The following MEIKIN variants were observed in gnomAD, a reference collection of about 807,000 sequenced individuals.
MEIKIN encodes the protein meiotic kinetochore factor.
chr5:131,879,112 G>A, intron 8 of MEIKIN, 64 bp from the exon 9 acceptor site: 1 of 397,004 alleles, frequency 2.5e-6, no homozygotes, highest in Non-Finnish European at 4.4e-6. Context: ...TGAGTCCAAA[G>A]GACAAGAGAA....
intron 5 of MEIKIN, among the ~76,000 whole-genome samples, chr5:131,923,500 T>C (rs72793248): frequency 6.6e-6 from 1 of 151,874 alleles, no homozygotes; most frequent in Non-Finnish European, 1.5e-5. Context: ...TTTTAATCTT[T>C]TTTTTTCTTT....
chr5:131,936,714 C>A (rs1476754530), intron 4 of MEIKIN, among the ~76,000 whole-genome samples: 2 of 152,254 alleles, frequency 1.3e-5, no homozygotes, highest in East Asian at 3.9e-4. Flanking sequence ...CCCACCTCAG[C>A]CTCCTGAGTA....
intron 10 of MEIKIN, among the ~76,000 whole-genome samples, chr5:131,851,602 T>C (rs1354378886): frequency 6.6e-6 from 1 of 152,144 alleles, no homozygotes; most frequent in Non-Finnish European, 1.5e-5. Context: ...GTAAAATGGG[T>C]TATAACATTC....
intron 12 of MEIKIN, among the ~76,000 whole-genome samples, chr5:131,813,181 G>A (rs1773027962): frequency 6.6e-6 from 1 of 152,208 alleles, no homozygotes; most frequent in Non-Finnish European, 1.5e-5. Context: ...CTGCTCTGAA[G>A]ATGACATGAG....
At chr5:131,898,910 G>A (rs948838125) in intron 8 of MEIKIN, among the ~76,000 whole-genome samples, 4 of 152,116 alleles carry the variant, frequency 2.6e-5, no homozygotes, top group Admixed American at 1.3e-4. Context: ...GCCCTCCTTC[G>A]GCTTGCCTTC....
At chr5:131,923,194 T>C (rs576049866) in intron 5 of MEIKIN, among the ~76,000 whole-genome samples, 6 of 152,192 alleles carry the variant, frequency 3.9e-5, no homozygotes, top group African/African-American at 1.4e-4. Context: ...GGTCCCTCTA[T>C]ATTTTTAAAT....
At position 131,818,818 on chromosome 5, in the gene MEIKIN, G is replaced by A. The variant is rs1032143852; in HGVS notation, c.1021C>T (p.Pro341Ser). 5 of 397,778 alleles carry A rather than the reference G, an allele frequency of 1.3e-5. No homozygotes were observed. The highest frequency in any genetic ancestry group is 1.0e-4 in the African/African-American group (5 of 48,494). The allele number at this position is 397,778 out of a possible 1,614,324, so 24.6% of individuals were successfully genotyped here. ...SEICCIIRTS[P>S]GTRQVKNKGV... ...TTATTTTTCACTTGTCTAGTTCCTG[G>A]TGATGTTCTAATAATACAACATATT... The change falls in exon 12 of 13, where the codon CCA becomes TCA. Residue 341 changes from proline (P) to serine (S), a missense_variant. By Grantham distance (74) the Pro-to-Ser change is moderately conservative. Transcript: ENST00000442687.
intron 9 of MEIKIN, among the ~76,000 whole-genome samples, chr5:131,878,122 AC>A (rs1294822908): frequency 1.3e-5 from 2 of 152,338 alleles, no homozygotes; most frequent in Admixed American, 1.3e-4. Context: ...AGGGGGGACT[AC>A]TATACATTTT....
chr5:131,845,453 G>T (rs866136353), intron 11 of MEIKIN, among the ~76,000 whole-genome samples: 24 of 151,526 alleles, frequency 1.6e-4, no homozygotes, highest in African/African-American at 4.8e-4. Context: ...AGCAGAAACT[G>T]CCTCTAAAAA....
intron 9 of MEIKIN, among the ~76,000 whole-genome samples, chr5:131,867,231 T>G (rs116697783): frequency 0.018 from 2,730 of 152,342 alleles, 40 homozygotes; most frequent in Non-Finnish European, 0.03. Flanking sequence ...AGGTCAGTTT[T>G]GGATTCACAG....
At position 131,945,386 on chromosome 5, in the gene MEIKIN, C is replaced by T; in HGVS notation, c.106+14G>A. ...CTCGGCTGAGCTTACGGTGGGCGAGCCTTGAGCCTGTACCTGGCGGGGCCT... is the reference window on the plus strand; with the variant it reads ...CTCGGCTGAGCTTACGGTGGGCGAGTCTTGAGCCTGTACCTGGCGGGGCCT... On this transcript the variant is annotated intron_variant, in intron 1 of 12. Coordinates refer to ENST00000442687, the MANE Select transcript of MEIKIN (RefSeq NM_001303622.2). 1 of 399,054 alleles carries T rather than the reference C, an allele frequency of 2.5e-6. No individual in the cohort carries two copies. Among genetic ancestry groups the T allele is most frequent in the Non-Finnish European group, 4.4e-6 (1 of 226,076 alleles). The allele number at this position is 399,054 out of a possible 1,614,324, so 24.7% of individuals were successfully genotyped here.
At chr5:131,923,789 A>T (rs1205782949) in intron 5 of MEIKIN, among the ~76,000 whole-genome samples, 1 of 151,666 alleles carries the variant, frequency 6.6e-6, no homozygotes, top group Non-Finnish European at 1.5e-5. Context: ...AGATTTTTTT[A>T]ATTTTAAAAG....
At chr5:131,879,188 ATAAT>A (rs1315134535) in intron 8 of MEIKIN, 140 bp from the exon 9 acceptor site, 4 of 390,618 alleles carry the variant, frequency 1.0e-5, no homozygotes, top group Non-Finnish European at 1.8e-5. Context: ...ACCTTTGTCA[ATAAT>A]TAAACAAGAA....
At chr5:131,889,755 A>G (rs959755108) in intron 8 of MEIKIN, among the ~76,000 whole-genome samples, 1 of 152,236 alleles carries the variant, frequency 6.6e-6, no homozygotes, top group African/African-American at 2.4e-5. Context: ...TATGTTGAAT[A>G]GGAGTAATGC....
intron 12 of MEIKIN, among the ~76,000 whole-genome samples, chr5:131,812,867 C>A (rs1773023059): frequency 6.6e-6 from 1 of 151,724 alleles, no homozygotes; most frequent in Admixed American, 6.6e-5. Context: ...TCCTTCCATC[C>A]TCAGTGGAAA....
chr5:131,858,698 G>C (rs1419066093), intron 9 of MEIKIN, among the ~76,000 whole-genome samples: 1 of 152,126 alleles, frequency 6.6e-6, no homozygotes, highest in Non-Finnish European at 1.5e-5. Context: ...ACAAAGGTCT[G>C]ATATCCAGGA....
intron 8 of MEIKIN, among the ~76,000 whole-genome samples, chr5:131,897,340 T>C (rs1458640988): frequency 6.6e-6 from 1 of 152,218 alleles, no homozygotes; most frequent in East Asian, 1.9e-4. Context: ...TCACCCTTGG[T>C]GAATCTGACA....
intron 12 of MEIKIN, among the ~76,000 whole-genome samples, chr5:131,812,884 CTT>C (rs1000602486): frequency 3.3e-5 from 5 of 151,682 alleles, no homozygotes; most frequent in Non-Finnish European, 7.4e-5. Flanking sequence ...GAAAACTACT[CTT>C]TTGAGAAACA....
In MEIKIN at chr5:131,819,765, A is replaced by ATTTTTTTT. The variant is rs1167213249; in HGVS notation, c.976-910_976-903dup. Reference sequence around the variant, plus strand: ...TAGGCATGCACCACTACATCCAGCTATTTTTTTTTTTTTTTTTTTTTTTTT... The same window carrying ATTTTTTTT: ...TAGGCATGCACCACTACATCCAGCTATTTTTTTTTTTTTTTTTTTTTTTTTTTTTTTTT... On this transcript the variant is annotated intron_variant, in intron 11 of 12. Transcript: ENST00000442687. 4.3e-4 allele frequency among the ~76,000 whole-genome samples: 28 copies of ATTTTTTTT among 64,572 alleles called. 5 individuals carry two copies. Among genetic ancestry groups the ATTTTTTTT allele is most frequent in the African/African-American group, 2.2e-3 (28 of 12,790 alleles). 42.4% of individuals were successfully genotyped at this position (64,572 alleles called of 152,430 possible).
Sources: gnomAD v4.1 joint callset for allele counts (sites outside exome capture counted in the v4.1 genomes callset) on GRCh38, gnomAD v4.1.1 for gene constraint, MANE v1.5 for transcripts, NCBI Gene and HGNC (gene_info 2026-07-23, HGNC 2026-07-21) for gene names.